Variants in PROCR observed in about 807,000 individuals in gnomAD.
PROCR encodes the protein endothelial protein C receptor.
A neutral mutation model predicts 24.2 loss-of-function variants in PROCR; 22 were observed. That is an observed-to-expected ratio of 0.91 (90% CI 0.65 to 1.30). PROCR has a LOEUF of 1.30. Among genes scored for constraint, PROCR ranks in the 50% most tolerant of loss-of-function variants. The pLI is 0.00. For missense variants in PROCR, 288 were observed against 307.7 expected, an observed-to-expected ratio of 0.94 and a Z score of 0.48; for synonymous variants, 137 against 139.2, an observed-to-expected ratio of 0.98 and a Z score of 0.11.
chr20:35,172,278 ATCTG>A, intron 1 of PROCR, 54 bp downstream of exon 1: 1 of 1,583,748 alleles, frequency 6.3e-7, no homozygotes, highest in East Asian at 2.2e-5. Flanking sequence ...ATCTCAGTCT[ATCTG>A]GGCACATGGC....
At chr20:35,178,514 T>TTTTTTTTTG (rs2086047277), downstream of PROCR, among the ~76,000 whole-genome samples, 3 of 47,306 alleles carry the variant, frequency 6.3e-5, no homozygotes, top group African/African-American at 5.3e-4. Context: ...TCAGTTTTTT[T>TTTTTTTTTG]TTTTTTTTTT....
chr20:35,205,840 T>TATATACATGTATAC (rs1169515909), intron 1 of PROCR, among the ~76,000 whole-genome samples: 2 of 142,720 alleles, frequency 1.4e-5, no homozygotes, highest in African/African-American at 5.3e-5. Flanking sequence ...TACATATACA[T>TATATACATGTATAC]ATATACATGT....
chr20:35,177,525 T>G (rs1478633206), downstream of PROCR, among the ~76,000 whole-genome samples: 1 of 140,228 alleles, frequency 7.1e-6, no homozygotes, highest in Non-Finnish European at 1.5e-5. Context: ...CTCAGCTCAC[T>G]GCAACCTCTG....
In PROCR at chr20:35,174,934, C is replaced by T. The variant is rs1244815372; in HGVS notation, c.303C>T (p.His101=). The T allele has an allele frequency of 3.8e-6, 6 of 1,580,912 alleles. No homozygotes were observed. The highest frequency in any genetic ancestry group is 2.6e-6 in the Non-Finnish European group (3 of 1,165,226). ...LQFHGLVRLV[H]QERTLAFPLT... is the part of the protein sequence containing the mutation. ...TCCACGGCCTCGTGCGCCTGGTGCACCAGGAGCGGACCTTGGCCTGTGAGT... is the reference window on the plus strand; with the variant it reads ...TCCACGGCCTCGTGCGCCTGGTGCATCAGGAGCGGACCTTGGCCTGTGAGT... The change falls in exon 2 of 4, where the codon CAC becomes CAT. Residue 101 remains histidine (H), a synonymous_variant. Coordinates refer to ENST00000216968, the MANE Select transcript of PROCR (RefSeq NM_006404.5).
At chr20:35,194,763 T>C (rs1202801872) in intron 1 of PROCR, among the ~76,000 whole-genome samples, 1 of 126,842 alleles carries the variant, frequency 7.9e-6, no homozygotes, top group Non-Finnish European at 1.6e-5. Flanking sequence ...GCAAAGACTC[T>C]GAAAATGAAC....
At chr20:35,214,096 TA>T (rs767701139) in intron 1 of PROCR, among the ~76,000 whole-genome samples, 118 of 151,212 alleles carry the variant, frequency 7.8e-4, no homozygotes, top group Non-Finnish European at 1.5e-3. Context: ...ATAAAATAAT[TA>T]AAAAAAATTA....
At chr20:35,202,036 G>T (rs2060320113) in intron 1 of PROCR, 1 of 151,982 alleles carries the variant, frequency 6.6e-6, no homozygotes, top group Middle Eastern at 3.2e-3. Flanking sequence ...TATCAAACCT[G>T]GATAACGTTA....
chr20:35,171,188 TGA>T (rs1442897499), upstream of PROCR, among the ~76,000 whole-genome samples: 1 of 151,854 alleles, frequency 6.6e-6, no homozygotes, highest in Non-Finnish European at 1.5e-5. Context: ...CTCGGAGGAG[TGA>T]CTTTAAAGCT....
chr20:35,179,889 A>G (rs1390975413), downstream of PROCR, among the ~76,000 whole-genome samples: 1 of 152,206 alleles, frequency 6.6e-6, no homozygotes, highest in African/African-American at 2.4e-5. Context: ...TCAAGATATC[A>G]TAATTCCTCT....
downstream of PROCR, chr20:35,177,473 G>C (rs2086032867): frequency 2.7e-6 from 2 of 748,538 alleles, no homozygotes; most frequent in South Asian, 1.3e-4. Flanking sequence ...TTTTGAGACA[G>C]AGTCTTGCTC....
intron 2 of PROCR, 50 bp from the exon 3 acceptor site, chr20:35,176,118 A>C: frequency 6.3e-7 from 1 of 1,582,972 alleles, no homozygotes; most frequent in Non-Finnish European, 8.7e-7. Flanking sequence ...CTCGCCCCAC[A>C]CCTGGCACCC....
chr20:35,173,840 A>G (rs193161657), intron 1 of PROCR, among the ~76,000 whole-genome samples: 32 of 152,286 alleles, frequency 2.1e-4, no homozygotes, highest in South Asian at 1.0e-3. Flanking sequence ...AGGAATCCCA[A>G]CTAGTTTGAT....
chr20:35,184,335 G>A (rs1184081233), intron 1 of PROCR, among the ~76,000 whole-genome samples: 2 of 152,184 alleles, frequency 1.3e-5, no homozygotes, highest in African/African-American at 4.8e-5. Context: ...ATGGTGCTGG[G>A]ATAATTGGTT....
At chr20:35,175,505 C>A (rs1346619222) in intron 2 of PROCR, among the ~76,000 whole-genome samples, 3 of 151,434 alleles carry the variant, frequency 2.0e-5, no homozygotes, top group Admixed American at 1.3e-4. Context: ...AAGCACCAAG[C>A]ACCACTCCGT....
At chr20:35,183,816 T>G (rs1163323465) in intron 1 of PROCR, among the ~76,000 whole-genome samples, 1 of 152,138 alleles carries the variant, frequency 6.6e-6, no homozygotes, top group Admixed American at 6.6e-5. Flanking sequence ...TAGACATTTC[T>G]TAAAGAAGAT....
chr20:35,181,040 G>T (rs1160062124), downstream of PROCR, among the ~76,000 whole-genome samples: 2 of 150,190 alleles, frequency 1.3e-5, no homozygotes, highest in African/African-American at 4.9e-5. Context: ...CTAATTTTTT[G>T]TATTTTTAGT....
At chr20:35,205,450 C>CAA (rs1427436644) in intron 1 of PROCR, among the ~76,000 whole-genome samples, 3 of 118,052 alleles carry the variant, frequency 2.5e-5, no homozygotes, top group Non-Finnish European at 5.6e-5. Flanking sequence ...TTCGTTAATC[C>CAA]AAAAATATAT....
chr20:35,184,325 A>G (rs1380384645), intron 1 of PROCR, among the ~76,000 whole-genome samples: 1 of 152,208 alleles, frequency 6.6e-6, no homozygotes, highest in Non-Finnish European at 1.5e-5. Context: ...TTTTCAACAA[A>G]TGGTGCTGGG....
chr20:35,182,973 CA>C (rs71333786), intron 1 of PROCR, among the ~76,000 whole-genome samples: 1,315 of 110,478 alleles, frequency 0.012, 1 homozygote, highest in Non-Finnish European at 0.019. Flanking sequence ...GACTCCGTCT[CA>C]AAAAAAAAAA....
Sources: allele counts gnomAD v4.1 joint callset (sites outside exome capture counted in the v4.1 genomes callset), GRCh38; gene constraint gnomAD v4.1.1; transcripts MANE v1.5; gene names NCBI Gene and HGNC (gene_info 2026-07-23, HGNC 2026-07-21).